CPEB3: variants seen among roughly 807,000 people sequenced by gnomAD.
CPEB3 encodes the protein cytoplasmic polyadenylation element-binding protein 3.
Under a neutral mutation model 67.2 loss-of-function variants are expected in CPEB3, and 20 were observed. The ratio of observed to expected loss-of-function variants is 0.30; its 90% CI spans 0.21 to 0.43. The LOEUF (loss-of-function observed/expected upper bound fraction) is 0.43, where lower values mean the gene tolerates loss of function less well. CPEB3 is among the 20% of genes least tolerant of loss of function. The pLI is 1.00. For synonymous variants in CPEB3, 376 were observed against 393.1 expected, an observed-to-expected ratio of 0.96 and a Z score of 0.51; for missense variants, 746 against 968.6, an observed-to-expected ratio of 0.77 and a Z score of 3.05.
intron 4 of CPEB3, among the ~76,000 whole-genome samples, chr10:92,154,656 C>T (rs537762409): frequency 9.3e-4 from 141 of 152,294 alleles, no homozygotes; most frequent in Admixed American, 4.3e-3. Flanking sequence ...CAGCTGGTCC[C>T]ACAGCATACA....
At chr10:92,141,477 G>A (rs1490862307) in intron 6 of CPEB3, among the ~76,000 whole-genome samples, 1 of 141,548 alleles carries the variant, frequency 7.1e-6, no homozygotes, top group Admixed American at 7.3e-5. Context: ...TCTGGGGACT[G>A]TTGTGGGGTG....
chr10:92,087,986 G>A (rs1843444827), intron 8 of CPEB3, among the ~76,000 whole-genome samples: 1 of 152,140 alleles, frequency 6.6e-6, no homozygotes, highest in African/African-American at 2.4e-5. Flanking sequence ...GTGAGGTGGG[G>A]AGTAGAAAGA....
intron 2 of CPEB3, among the ~76,000 whole-genome samples, chr10:92,194,084 C>T (rs1849116129): frequency 6.6e-6 from 1 of 151,352 alleles, no homozygotes; most frequent in Non-Finnish European, 1.5e-5. Context: ...GCGTGAGACA[C>T]CGCGCCCGGC....
intron 9 of CPEB3, among the ~76,000 whole-genome samples, chr10:92,077,070 A>G (rs1205848362): frequency 6.6e-6 from 1 of 152,192 alleles, no homozygotes; most frequent in Non-Finnish European, 1.5e-5. Context: ...GAGGTTATTC[A>G]GGAAACAAGG....
intron 8 of CPEB3, among the ~76,000 whole-genome samples, chr10:92,088,737 C>T (rs908469238): frequency 6.6e-6 from 1 of 152,088 alleles, no homozygotes; most frequent in African/African-American, 2.4e-5. Flanking sequence ...AGGTAAAAAT[C>T]CACCTGGACA....
chr10:92,240,817 C>T lies in CPEB3; in HGVS notation c.-11-456G>A, dbSNP rs566260482. 1.4e-4 allele frequency among the ~76,000 whole-genome samples: 22 copies of T among 152,190 alleles called. No individual in the cohort carries two copies. The South Asian group carries it at 4.4e-3, about 30-fold the overall frequency. On this transcript the variant is annotated intron_variant, in intron 1 of 9. Transcript: ENST00000265997. Reference sequence around the variant, plus strand: ...TCAGCAAGGTTAAAAAGACACCGCACACACGACCCTTTCTTCTCCCTTCCC... The same window carrying T: ...TCAGCAAGGTTAAAAAGACACCGCATACACGACCCTTTCTTCTCCCTTCCC...
At chr10:92,216,875 C>T in intron 2 of CPEB3, 1 of 1,276,764 alleles carries the variant, frequency 7.8e-7, no homozygotes, top group Non-Finnish European at 1.1e-6. Flanking sequence ...CCTGCCCACC[C>T]ACACTGACGG....
chr10:92,286,869 A>C (rs1052727570), intron 1 of CPEB3, among the ~76,000 whole-genome samples: 57 of 152,218 alleles, frequency 3.7e-4, no homozygotes, highest in African/African-American at 1.2e-3. Context: ...ATATTATTTT[A>C]AATTTTCTGA....
At chr10:92,165,849 T>C (rs1847711955) in intron 4 of CPEB3, among the ~76,000 whole-genome samples, 1 of 152,192 alleles carries the variant, frequency 6.6e-6, no homozygotes, top group African/African-American at 2.4e-5. Flanking sequence ...ACTCCACTTC[T>C]AGTTCTCTTG....
rs748420860 is a variant in CPEB3 at position 92,239,810 on chromosome 10, G to T, written c.541C>A (p.Pro181Thr). 311 of 1,427,428 alleles carry T rather than the reference G, an allele frequency of 2.2e-4. No individual in the cohort carries two copies. The highest frequency in any genetic ancestry group is 2.7e-4 in the Non-Finnish European group (294 of 1,094,416). The allele number at this position is 1,427,428 out of a possible 1,614,324, so 88.4% of individuals were successfully genotyped here. ...PAPQPAQPAQ[P>T]PQAQPPQQRR... Reference sequence around the variant, plus strand: ...TGCTGCGGGGGCTGCGCCTGTGGTGGCTGCGCTGGCTGTGCCGGCTGCGGC... The same window carrying T: ...TGCTGCGGGGGCTGCGCCTGTGGTGTCTGCGCTGGCTGTGCCGGCTGCGGC... The change falls in exon 2 of 10, where the codon CCA (proline) becomes ACA (threonine). Residue 181 changes from proline (P) to threonine (T), a missense_variant. Pro to Thr is a conservative substitution (Grantham distance 38, BLOSUM62 -1). Transcript: ENST00000265997. The surrounding 1 kb of genome is among the most constrained non-coding windows in gnomAD (Gnocchi z 6.0).
chr10:92,153,595 A>G (rs1208118568), intron 4 of CPEB3, among the ~76,000 whole-genome samples: 2 of 152,184 alleles, frequency 1.3e-5, no homozygotes, highest in African/African-American at 4.8e-5. Context: ...AGCCTGGCCA[A>G]CATGGAGAAA....
In CPEB3 at chr10:92,051,416, ACT is replaced by A. The variant is rs529073786; in HGVS notation, c.*794_*795del. On this transcript the variant is annotated 3_prime_UTR_variant, in exon 10 of 10. Coordinates refer to ENST00000265997, the MANE Select transcript of CPEB3 (RefSeq NM_014912.5). ...TATTCTGATCTCCGTTCGGCAGCTG[ACT>A]CTATCCCTAAAATCACAAAAGTGTG... is the stretch of plus-strand genomic sequence containing the variant. 3.9e-5 allele frequency: 6 copies of A among 152,630 alleles called. No homozygotes were observed. The East Asian group carries it at 1.2e-3, about 30-fold the overall frequency. 9.5% of individuals were successfully genotyped at this position (152,630 alleles called of 1,614,324 possible).
At chr10:92,109,280 T>C (rs147020844) in intron 7 of CPEB3, among the ~76,000 whole-genome samples, 2,129 of 151,116 alleles carry the variant, frequency 0.014, 46 homozygotes, top group African/African-American at 0.048. Context: ...TTTGAGACAG[T>C]CTCACTCTGT....
intron 9 of CPEB3, among the ~76,000 whole-genome samples, chr10:92,054,215 G>T (rs761218973): frequency 6.6e-6 from 1 of 152,016 alleles, no homozygotes; most frequent in Admixed American, 6.6e-5. Context: ...TACTCAGGAG[G>T]CTGAGGTGAG....
At position 92,047,947 on chromosome 10, in the gene CPEB3, T is replaced by C. The variant is rs1298922271; in HGVS notation, c.*4265A>G. 6.6e-6 allele frequency: 1 copy of C among 152,244 alleles called. No homozygotes were observed. Among genetic ancestry groups the C allele is most frequent in the African/African-American group, 2.4e-5 (1 of 41,456 alleles). The allele number at this position is 152,244 out of a possible 1,614,324, so 9.4% of individuals were successfully genotyped here. A position where few individuals can be genotyped will look rare whatever the true frequency, so the allele number is the denominator to read the frequency against. On this transcript the variant is annotated 3_prime_UTR_variant, in exon 10 of 10. Transcript: ENST00000265997. ...GTTTTTGCTTTGACTGTAGGTGCTA[T>C]TGCAATGACACATTAATGACTGTGC... is the stretch of plus-strand genomic sequence containing the variant.
At chr10:92,216,462 A>T in intron 2 of CPEB3, 3 of 1,612,954 alleles carry the variant, frequency 1.9e-6, no homozygotes, top group Non-Finnish European at 2.5e-6. Context: ...CGCCGCCTCA[A>T]GCGGAAGCTC....
At chr10:92,062,265 T>G (rs1338265200) in intron 9 of CPEB3, among the ~76,000 whole-genome samples, 4 of 128,602 alleles carry the variant, frequency 3.1e-5, no homozygotes, top group Non-Finnish European at 6.9e-5. Context: ...AAAAAAAAAT[T>G]AGCCAGGCAT....
At chr10:92,189,092 A>G (rs1372731205) in intron 3 of CPEB3, among the ~76,000 whole-genome samples, 1 of 152,242 alleles carries the variant, frequency 6.6e-6, no homozygotes, top group East Asian at 1.9e-4. Flanking sequence ...TTTCTAAGAT[A>G]AAATATTATT....
At chr10:92,114,098 C>T (rs1050841063) in intron 6 of CPEB3, among the ~76,000 whole-genome samples, 1 of 152,098 alleles carries the variant, frequency 6.6e-6, no homozygotes, top group Non-Finnish European at 1.5e-5. Flanking sequence ...TGGCTAAACT[C>T]CCCCCAACCC....
Sources: allele counts gnomAD v4.1 joint callset (sites outside exome capture counted in the v4.1 genomes callset), GRCh38; gene constraint gnomAD v4.1.1; non-coding constraint Gnocchi (gnomAD v3.1); transcripts MANE v1.5; gene names NCBI Gene and HGNC (gene_info 2026-07-23, HGNC 2026-07-21).